ANKFN1: variants seen among roughly 807,000 people sequenced by gnomAD.
ANKFN1 encodes the protein ankyrin repeat and fibronectin type-III domain-containing protein 1.
In ANKFN1, 74 loss-of-function variants were observed where a neutral mutation model predicts 108.7. The ratio of observed to expected loss-of-function variants is 0.68; its 90% confidence interval spans 0.56 to 0.83. The LOEUF (loss-of-function observed/expected upper bound fraction) is 0.83, where lower values mean the gene tolerates loss of function less well. ANKFN1 is among the 40% of genes least tolerant of loss of function. The pLI, the probability that ANKFN1 is intolerant of heterozygous loss-of-function variation, is 0.00. For missense variants in ANKFN1, 1,505 were observed against 1,382.3 expected, an observed-to-expected ratio of 1.09 and a Z score of -1.41; for synonymous variants, 547 against 516.2, an observed-to-expected ratio of 1.06 and a Z score of -0.81.
intron 3 of ANKFN1, chr17:56,245,748 C>T (rs905369997): frequency 6.6e-6 from 1 of 152,082 alleles, no homozygotes; most frequent in Non-Finnish European, 1.5e-5. Context: ...AAGGGAAAAG[C>T]ACTTTTCTGA....
At chr17:56,426,774 G>A (rs2048583288) in intron 8 of ANKFN1, among the ~76,000 whole-genome samples, 1 of 152,170 alleles carries the variant, frequency 6.6e-6, no homozygotes, top group Non-Finnish European at 1.5e-5. Flanking sequence ...ATCTGCTGAA[G>A]CCTACTTGAG....
At chr17:56,184,691 A>G (rs1912021672) in intron 1 of ANKFN1, 1 of 152,210 alleles carries the variant, frequency 6.6e-6, no homozygotes, top group Non-Finnish European at 1.5e-5. Flanking sequence ...TCATTTGAGA[A>G]AAGTTTCAAA....
chr17:56,318,457 T>G (rs142456928), intron 3 of ANKFN1, among the ~76,000 whole-genome samples: 268 of 152,278 alleles, frequency 1.8e-3, no homozygotes, highest in Non-Finnish European at 3.4e-3. Context: ...TTATCTACCA[T>G]GCACAGGGCC....
In ANKFN1 at chr17:56,088,438, G is replaced by C. The variant is rs972393477; in HGVS notation, c.288+42113G>C. On this transcript the variant is annotated intron_variant, in intron 4 of 12. Coordinates refer to the ANKFN1 transcript ENST00000635860. ...TGAAGATGGCTGGTGGCTCCAGTGT[G>C]GGGGAATGAGTGATTAGTTGTCAGG... 2.6e-5 allele frequency among the ~76,000 whole-genome samples: 4 copies of C among 151,250 alleles called. 1 individual carries two copies. Among genetic ancestry groups the C allele is most frequent in the Non-Finnish European group, 5.9e-5 (4 of 67,698 alleles).
chr17:56,464,076 C>G (rs2049998985), intron 14 of ANKFN1, among the ~76,000 whole-genome samples: 1 of 152,154 alleles, frequency 6.6e-6, no homozygotes, highest in Non-Finnish European at 1.5e-5. Context: ...CCCTAAAGAA[C>G]CTTGAATTCT....
chr17:56,064,596 A>T (rs954919925), intron 4 of ANKFN1, among the ~76,000 whole-genome samples: 1 of 152,214 alleles, frequency 6.6e-6, no homozygotes, highest in African/African-American at 2.4e-5. Flanking sequence ...AGCAGGGGAA[A>T]AGCACAGCCT....
intron 1 of ANKFN1, among the ~76,000 whole-genome samples, chr17:56,195,958 A>G (rs77086505): frequency 0.016 from 2,470 of 152,322 alleles, 81 homozygotes; most frequent in African/African-American, 0.057. Context: ...ATAAAAAGGG[A>G]TACTTAAGAG....
chr17:56,282,292 TTGTGTGTGTGTGTG>T (rs112336440), intron 3 of ANKFN1, among the ~76,000 whole-genome samples: 2 of 147,740 alleles, frequency 1.4e-5, no homozygotes, highest in African/African-American at 5.0e-5. Context: ...GTGTGTGTGT[TTGTGTGTGTGTGTG>T]TGTGTGTGTT....
At chr17:56,437,183 G>A (rs534512717) in intron 8 of ANKFN1, among the ~76,000 whole-genome samples, 9 of 152,066 alleles carry the variant, frequency 5.9e-5, no homozygotes, top group African/African-American at 1.7e-4. Flanking sequence ...TCTTACAACC[G>A]GCTTCTGTTT....
chr17:56,068,891 A>T (rs1905090893), intron 4 of ANKFN1, among the ~76,000 whole-genome samples: 1 of 152,216 alleles, frequency 6.6e-6, no homozygotes, highest in Non-Finnish European at 1.5e-5. Context: ...TCACGTATGT[A>T]TTTCTAAAAC....
chr17:56,226,595 C>T (rs1300977356), intron 2 of ANKFN1, among the ~76,000 whole-genome samples: 4 of 152,126 alleles, frequency 2.6e-5, no homozygotes, highest in Admixed American at 6.6e-5. Context: ...CAAATGGAGA[C>T]ATCTTACCCA....
At chr17:56,189,316 G>A (rs1215279797) in intron 1 of ANKFN1, among the ~76,000 whole-genome samples, 18 of 147,268 alleles carry the variant, frequency 1.2e-4, no homozygotes, top group East Asian at 4.0e-4. Flanking sequence ...GACTACAGGC[G>A]CCCGCCACTA....
rs199644590 is a variant in ANKFN1, at chr17:56,466,420, A to G, written c.1622A>G (p.Asn541Ser). 1 of 1,614,182 alleles carries G rather than the reference A, an allele frequency of 6.2e-7. No homozygotes were observed. ...GAGCCCATTAAAGATCGACATGGAA[A>G]CATACTCATAGTCACCATCAGGGAG... ...YYEPIKDRHGNILIVTIREVE... is the reference protein window; with the variant it reads ...YYEPIKDRHGSILIVTIREVE... The change falls in exon 15 of 21, where the codon AAC becomes AGC. Residue 541 changes from asparagine to serine, a missense_variant. Physicochemically the swap from Asn to Ser is conservative, Grantham distance 46. Coordinates refer to ENST00000682825, the MANE Select transcript of ANKFN1 (RefSeq NM_001370326.1).
At chr17:56,170,734 C>T (rs1910577089) in intron 1 of ANKFN1, among the ~76,000 whole-genome samples, 1 of 144,906 alleles carries the variant, frequency 6.9e-6, no homozygotes, top group Non-Finnish European at 1.5e-5. Flanking sequence ...CTGCACTCCA[C>T]CCTGGGCTAC....
chr17:56,477,197 C>A (rs1250995731), intron 15 of ANKFN1, among the ~76,000 whole-genome samples: 2 of 152,120 alleles, frequency 1.3e-5, no homozygotes, highest in African/African-American at 4.8e-5. Context: ...GCTTCCACCA[C>A]CACCTATTCC....
intron 4 of ANKFN1, among the ~76,000 whole-genome samples, chr17:56,337,392 T>C (rs1261075566): frequency 1.2e-4 from 19 of 152,042 alleles, no homozygotes; most frequent in Admixed American, 1.2e-3. Flanking sequence ...GTTTTATCAA[T>C]CTGGGTGCTC....
chr17:56,381,147 C>T (rs2047091016), intron 8 of ANKFN1, among the ~76,000 whole-genome samples: 1 of 152,200 alleles, frequency 6.6e-6, no homozygotes, highest in Admixed American at 6.5e-5. Flanking sequence ...TGCTGTTCTG[C>T]AGCCACCGCT....
chr17:56,368,010 G>T, intron 6 of ANKFN1: 1 of 292,386 alleles, frequency 3.4e-6, no homozygotes, highest in Non-Finnish European at 6.4e-6. Context: ...CCATCTCCCT[G>T]GGTCTCAATT....
At chr17:56,298,132 C>T (rs772692958) in intron 3 of ANKFN1, among the ~76,000 whole-genome samples, 8 of 152,044 alleles carry the variant, frequency 5.3e-5, no homozygotes, top group South Asian at 4.1e-4. Flanking sequence ...TGAGCAATTG[C>T]GTGTTTTAAT....
Sources: gnomAD v4.1 joint callset for allele counts (sites outside exome capture counted in the v4.1 genomes callset) on GRCh38, gnomAD v4.1.1 for gene constraint, MANE v1.5 for transcripts, NCBI Gene and HGNC (gene_info 2026-07-23, HGNC 2026-07-21) for gene names.